Variants in PBX4 observed in about 807,000 individuals in gnomAD.
PBX4 encodes the protein PBX homeobox 4.
Under a neutral mutation model 35.1 loss-of-function variants are expected in PBX4, and 26 were observed. The ratio of observed to expected loss-of-function variants is 0.74; its 90% CI spans 0.54 to 1.03. PBX4 has a LOEUF of 1.03. PBX4 is among the 50% of genes least tolerant of loss of function. The probability of loss-of-function intolerance (pLI) is 0.00; values close to 1 mark genes in which losing one functional copy is unlikely to be tolerated. For missense variants in PBX4, 448 were observed against 504.3 expected (o/e 0.89, Z 1.07); for synonymous variants, 199 against 204.2 (o/e 0.97, Z 0.22).
chr19:19,572,868 A>G (rs2061393885), intron 2 of PBX4, among the ~76,000 whole-genome samples: 1 of 151,794 alleles, frequency 6.6e-6, no homozygotes. Flanking sequence ...AAAAAAAAAA[A>G]AAAAAAAGAG....
chr19:19,562,086 TG>T lies in PBX4; in HGVS notation c.1063del (p.Gln355AsnfsTer25), dbSNP rs748202447. The T allele has an allele frequency of 5.6e-6, 9 of 1,612,516 alleles. No individual in the cohort carries two copies. Among genetic ancestry groups the T allele is most frequent in the East Asian group, 2.2e-5 (1 of 44,770 alleles). ...AQGSWQGATP[Q>X]PATASPAGDP... ...TCCAGCAGGTGAGGCAGTTGCAGGT[TG>T]GGGGGTGGCCCCCTGCCAGCTACCC... On this transcript the variant is annotated frameshift_variant, in exon 8 of 8. Transcript: ENST00000251203. LOFTEE classifies it low-confidence loss of function (END_TRUNC). The surrounding 1 kb of genome is among the most constrained non-coding windows in gnomAD (Gnocchi z 4.8).
intron 2 of PBX4, among the ~76,000 whole-genome samples, chr19:19,584,192 C>T (rs377331881): frequency 1.2e-3 from 189 of 152,086 alleles, no homozygotes; most frequent in Middle Eastern, 6.8e-3. Context: ...GAGCCAAGAT[C>T]GTGCCACTGC....
At chr19:19,568,064 C>A (rs1226014434) in intron 5 of PBX4, among the ~76,000 whole-genome samples, 2 of 150,688 alleles carry the variant, frequency 1.3e-5, no homozygotes, top group African/African-American at 4.9e-5. Context: ...CATCAGTATC[C>A]CTCAGGGAGC....
intron 2 of PBX4, among the ~76,000 whole-genome samples, chr19:19,594,910 C>A (rs991482613): frequency 6.6e-6 from 1 of 151,970 alleles, no homozygotes; most frequent in African/African-American, 2.4e-5. Flanking sequence ...TTAGTAGAGA[C>A]GGGGTTTCAT....
chr19:19,603,951 C>CAAAAAAA (rs575405663), intron 1 of PBX4, among the ~76,000 whole-genome samples: 3 of 95,672 alleles, frequency 3.1e-5, no homozygotes, highest in South Asian at 3.5e-4. Context: ...GACTCCATCT[C>CAAAAAAA]AAAAAAAAAA....
At chr19:19,609,549 G>GAAAAAAAAA (rs11300224) in intron 1 of PBX4, among the ~76,000 whole-genome samples, 1 of 85,046 alleles carries the variant, frequency 1.2e-5, no homozygotes, top group African/African-American at 4.7e-5. Flanking sequence ...AAATCCATAT[G>GAAAAAAAAA]AAAAAAAAAA....
At chr19:19,611,581 A>C (rs545529244) in intron 1 of PBX4, among the ~76,000 whole-genome samples, 13 of 150,226 alleles carry the variant, frequency 8.7e-5, no homozygotes, top group Non-Finnish European at 1.8e-4. Context: ...TGGGAGGCTG[A>C]GGCAGGAGAA....
chr19:19,606,223 T>A (rs1042322627), intron 1 of PBX4: 1 of 152,236 alleles, frequency 6.6e-6, no homozygotes. Flanking sequence ...TATGTTGTTA[T>A]CTAAGACTCC....
At chr19:19,599,914 A>T (rs2061586308) in intron 1 of PBX4, among the ~76,000 whole-genome samples, 1 of 150,894 alleles carries the variant, frequency 6.6e-6, no homozygotes, top group South Asian at 2.1e-4. Flanking sequence ...CAGAGGTTGC[A>T]GTGAGCCGAG....
chr19:19,599,258 C>A (rs773609253), intron 2 of PBX4, 34 bp downstream of exon 2: 74 of 1,576,516 alleles, frequency 4.7e-5, no homozygotes, highest in Non-Finnish European at 6.3e-5. Context: ...TGAGCCACCA[C>A]GCTCGGCCAG....
rs779161815 is a variant in PBX4, at chr19:19,565,059, G to A, written c.799C>T (p.Arg267Trp). The A allele has an allele frequency of 8.7e-6, 14 of 1,614,028 alleles. No homozygotes were observed. The highest frequency in any genetic ancestry group is 3.3e-5 in the Admixed American group (2 of 59,988). ...VSNWFGNKRI[R>W]YKKNMGKFQE... Reference sequence around the variant, plus strand: ...AACTTCCCCATGTTCTTTTTATACCGGATTCTTTTGTTGCCAAACCAGTTA... The same window carrying A: ...AACTTCCCCATGTTCTTTTTATACCAGATTCTTTTGTTGCCAAACCAGTTA... The change falls in exon 6 of 8, where the codon CGG becomes TGG. Residue 267 changes from arginine to tryptophan, a missense_variant. Coordinates refer to ENST00000251203, the MANE Select transcript of PBX4 (RefSeq NM_025245.3).
chr19:19,588,808 C>G (rs1453133752), intron 2 of PBX4, among the ~76,000 whole-genome samples: 1 of 152,194 alleles, frequency 6.6e-6, no homozygotes, highest in Non-Finnish European at 1.5e-5. Flanking sequence ...CCTGACTACT[C>G]TAAAAAGAAT....
intron 2 of PBX4, among the ~76,000 whole-genome samples, chr19:19,596,787 C>T (rs1166899170): frequency 2.0e-5 from 3 of 151,624 alleles, no homozygotes; most frequent in Admixed American, 6.6e-5. Flanking sequence ...GGCAACGTGG[C>T]TCGTGCCTGT....
chr19:19,587,592 TAAAAAAAAAAAA>T (rs34647983), intron 2 of PBX4, among the ~76,000 whole-genome samples: 1 of 90,684 alleles, frequency 1.1e-5, no homozygotes, highest in African/African-American at 4.3e-5. Context: ...CGTCTCAAAT[TAAAAAAAAAAAA>T]AAAAAAAAAG....
At chr19:19,575,850 C>T (rs952908055) in intron 2 of PBX4, among the ~76,000 whole-genome samples, 14 of 152,246 alleles carry the variant, frequency 9.2e-5, no homozygotes, top group South Asian at 2.1e-4. Flanking sequence ...CCATGGAGGT[C>T]GCGGCCAGGT....
intron 2 of PBX4, among the ~76,000 whole-genome samples, chr19:19,591,446 G>A (rs1047814176): frequency 2.0e-5 from 3 of 152,240 alleles, no homozygotes; most frequent in Non-Finnish European, 2.9e-5. Context: ...ATTCCCTGAT[G>A]TTATGCATTA....
intron 2 of PBX4, among the ~76,000 whole-genome samples, chr19:19,596,736 T>C (rs2061563423): frequency 1.3e-5 from 2 of 151,436 alleles, no homozygotes; most frequent in Non-Finnish European, 2.9e-5. Context: ...CTGGGCAACA[T>C]GACAAAACCC....
In PBX4 at chr19:19,599,359, A is replaced by G. The variant is rs1403905598; in HGVS notation, c.126T>C (p.His42=). Residue 42 remains histidine, a synonymous_variant, in exon 2 of 8, where the codon CAT becomes CAC. Transcript: ENST00000251203. ...QSLDEAQARK[H]ALNCHRMKPA... Reference sequence around the variant, plus strand: ...GCTTCATCCGATGGCAATTCAGAGCATGCTTTCTGAAAGGGAGGTGACAGA... The same window carrying G: ...GCTTCATCCGATGGCAATTCAGAGCGTGCTTTCTGAAAGGGAGGTGACAGA... The G allele has an allele frequency of 1.2e-6, 2 of 1,613,152 alleles. No individual in the cohort carries two copies. The highest frequency in any genetic ancestry group is 1.7e-5 in the Admixed American group (1 of 59,990).
chr19:19,570,817 G>T lies in PBX4; in HGVS notation c.210C>A (p.Gly70=). 1 of 1,614,060 alleles carries T rather than the reference G, an allele frequency of 6.2e-7. No individual in the cohort carries two copies. The highest frequency in any genetic ancestry group is 8.5e-7 in the Non-Finnish European group (1 of 1,180,030). The change falls in exon 3 of 8, where the codon GGC becomes GGA. Residue 70 remains glycine, a synonymous_variant. Coordinates refer to ENST00000251203, the MANE Select transcript of PBX4 (RefSeq NM_025245.3). ...IKEKTVVSIR[G]IQDEDPPDAQ... is the part of the protein sequence containing the mutation. ...CGTCAGGGGGATCTTCGTCTTGAAT[G>T]CCACGGATGCTTACCACTAGATAAG...
Sources: gnomAD v4.1 joint callset for allele counts (sites outside exome capture counted in the v4.1 genomes callset) on GRCh38, gnomAD v4.1.1 for gene constraint, Gnocchi (gnomAD v3.1) non-coding constraint, MANE v1.5 for transcripts, NCBI Gene and HGNC (gene_info 2026-07-23, HGNC 2026-07-21) for gene names.